The following ANKS1B variants were observed in gnomAD, a reference collection of about 807,000 sequenced individuals.
The protein encoded by ANKS1B is ankyrin repeat and sterile alpha motif domain containing 1B, also known as ankyrin repeat and sterile alpha motif domain-containing protein 1B.
In ANKS1B, 36 loss-of-function variants were observed where a neutral mutation model predicts 148.3. That is an observed-to-expected ratio of 0.24 (90% confidence interval 0.19 to 0.32). ANKS1B has a LOEUF of 0.32. Ranked by LOEUF, ANKS1B falls within the 10% of genes least tolerant of loss-of-function variation. The pLI, the probability that ANKS1B is intolerant of heterozygous loss-of-function variation, is 1.00. For synonymous variants in ANKS1B, 542 were observed against 560.8 expected, an observed-to-expected ratio of 0.97 and a Z score of 0.47; for missense variants, 1,157 against 1,542.6, an observed-to-expected ratio of 0.75 and a Z score of 4.19.
chr12:99,003,585 TTCTA>T (rs2099934279), intron 17 of ANKS1B, among the ~76,000 whole-genome samples: 1 of 152,210 alleles, frequency 6.6e-6, no homozygotes, highest in Admixed American at 6.5e-5. Context: ...AAGTTTGATA[TTCTA>T]TCTTTTAACG....
chr12:99,452,446 A>G (rs1827646267), intron 10 of ANKS1B, among the ~76,000 whole-genome samples: 1 of 152,240 alleles, frequency 6.6e-6, no homozygotes, highest in South Asian at 2.1e-4. Context: ...TTGTACAAAA[A>G]ATGGCATTAT....
At chr12:99,959,004 G>T (rs2095364951) in intron 1 of ANKS1B, among the ~76,000 whole-genome samples, 1 of 151,806 alleles carries the variant, frequency 6.6e-6, no homozygotes, top group South Asian at 2.1e-4. Context: ...TACAGATACA[G>T]GTTTCGGGTA....
At chr12:99,516,404 C>A (rs1053867774) in intron 9 of ANKS1B, among the ~76,000 whole-genome samples, 9 of 152,144 alleles carry the variant, frequency 5.9e-5, no homozygotes, top group African/African-American at 2.2e-4. Flanking sequence ...GAATACTATG[C>A]ACCCATAAAA....
intron 15 of ANKS1B, among the ~76,000 whole-genome samples, chr12:99,091,703 AGTTGG>A (rs2054048389): frequency 6.6e-6 from 1 of 152,224 alleles, no homozygotes; most frequent in African/African-American, 2.4e-5. Context: ...CACTGATAGC[AGTTGG>A]TGTTCATTAG....
At chr12:99,302,758 G>A (rs1410139781) in intron 12 of ANKS1B, among the ~76,000 whole-genome samples, 5 of 152,060 alleles carry the variant, frequency 3.3e-5, no homozygotes, top group Admixed American at 2.0e-4. Flanking sequence ...CACAGATTTG[G>A]CTTTTCCTCT....
At chr12:99,312,234 T>G (rs894477913) in intron 12 of ANKS1B, among the ~76,000 whole-genome samples, 2 of 152,160 alleles carry the variant, frequency 1.3e-5, no homozygotes, top group Non-Finnish European at 2.9e-5. Context: ...AAAGAAATGA[T>G]GTCGGAAGTG....
chr12:99,669,046 T>C (rs1347455474), intron 8 of ANKS1B, among the ~76,000 whole-genome samples: 1 of 152,172 alleles, frequency 6.6e-6, no homozygotes, highest in African/African-American at 2.4e-5. Flanking sequence ...TTTGAGTATA[T>C]CAAGCATATT....
intron 21 of ANKS1B, among the ~76,000 whole-genome samples, chr12:98,800,412 C>A (rs921570153): frequency 1.3e-5 from 2 of 151,998 alleles, no homozygotes; most frequent in South Asian, 4.1e-4. Context: ...ACTTTTTCTG[C>A]TGTCGTCAAG....
chr12:99,066,133 T>C (rs1026977931), intron 16 of ANKS1B, among the ~76,000 whole-genome samples: 1 of 151,944 alleles, frequency 6.6e-6, no homozygotes, highest in African/African-American at 2.4e-5. Flanking sequence ...CTGAACAACA[T>C]GGTGAAACTC....
At chr12:99,197,379 GTTTCTAACT>G (rs2081514383) in intron 14 of ANKS1B, among the ~76,000 whole-genome samples, 1 of 152,150 alleles carries the variant, frequency 6.6e-6, no homozygotes, top group Non-Finnish European at 1.5e-5. Context: ...AAGAACTCCA[GTTTCTAACT>G]ATGCCAAACA....
chr12:99,928,267 T>C (rs1347052638), intron 1 of ANKS1B, among the ~76,000 whole-genome samples: 1 of 79,620 alleles, frequency 1.3e-5, no homozygotes, highest in East Asian at 2.0e-4. Flanking sequence ...TTTTATTTTA[T>C]TTTATTTTTT....
chr12:99,640,653 A>G (rs1198994448), intron 9 of ANKS1B, among the ~76,000 whole-genome samples: 1 of 152,166 alleles, frequency 6.6e-6, no homozygotes, highest in Non-Finnish European at 1.5e-5. Context: ...TTTCTTTATA[A>G]ATTATCCAGT....
intron 10 of ANKS1B, among the ~76,000 whole-genome samples, chr12:99,463,403 G>A (rs921217829): frequency 1.2e-4 from 19 of 152,190 alleles, no homozygotes; most frequent in African/African-American, 3.4e-4. Context: ...CTGAGGTACC[G>A]GGTTCATCTC....
intron 1 of ANKS1B, among the ~76,000 whole-genome samples, chr12:99,883,664 T>C (rs1254437261): frequency 6.6e-6 from 1 of 152,080 alleles, no homozygotes; most frequent in Non-Finnish European, 1.5e-5. Flanking sequence ...ACGCCTGTAA[T>C]CCCAGCACTT....
intron 12 of ANKS1B, among the ~76,000 whole-genome samples, chr12:99,313,570 C>T (rs1029774881): frequency 2.0e-5 from 3 of 152,152 alleles, no homozygotes; most frequent in Non-Finnish European, 2.9e-5. Context: ...TTAGCCACCA[C>T]GATCAAATCA....
intron 12 of ANKS1B, among the ~76,000 whole-genome samples, chr12:99,387,106 G>C (rs2093892373): frequency 6.6e-6 from 1 of 152,204 alleles, no homozygotes; most frequent in Non-Finnish European, 1.5e-5. Flanking sequence ...AATAGTCGAA[G>C]CATGTGAAGA....
At chr12:99,915,939 G>A (rs141931444) in intron 1 of ANKS1B, among the ~76,000 whole-genome samples, 1 of 152,142 alleles carries the variant, frequency 6.6e-6, no homozygotes, top group East Asian at 1.9e-4. Context: ...ATCTTCACAT[G>A]ACATTCTCCT....
At chr12:99,076,189 C>T (rs558852427) in intron 16 of ANKS1B, among the ~76,000 whole-genome samples, 1 of 152,066 alleles carries the variant, frequency 6.6e-6, no homozygotes, top group African/African-American at 2.4e-5. Flanking sequence ...CAGCTGTGTT[C>T]AGATGTAGGC....
chr12:98,798,800 C>A, intron 22 of ANKS1B, 134 bp downstream of exon 22: 2 of 618,560 alleles, frequency 3.2e-6, no homozygotes, highest in Non-Finnish European at 5.3e-6. Flanking sequence ...GCAAGAGCAC[C>A]TTTTTATGTA....
Sources: allele counts gnomAD v4.1 joint callset (sites outside exome capture counted in the v4.1 genomes callset), GRCh38; gene constraint gnomAD v4.1.1; transcripts MANE v1.5; gene names NCBI Gene and HGNC (gene_info 2026-07-23, HGNC 2026-07-21).